HMGCL: variants seen among roughly 807,000 people sequenced by gnomAD.
The protein encoded by HMGCL is hydroxymethylglutaryl-CoA lyase, mitochondrial.
A neutral mutation model predicts 37.3 loss-of-function variants in HMGCL; 26 were observed. The ratio of observed to expected loss-of-function variants is 0.70; its 90% confidence interval spans 0.51 to 0.97. The LOEUF is 0.97. Ranked by LOEUF, HMGCL falls within the 50% of genes least tolerant of loss-of-function variation. The probability of loss-of-function intolerance (pLI) is 0.00; values close to 1 mark genes in which losing one functional copy is unlikely to be tolerated. For synonymous variants in HMGCL, 151 were observed against 148.0 expected (o/e 1.02, Z -0.15); for missense variants, 379 against 398.1 (o/e 0.95, Z 0.41).
Position 23,818,592 on chromosome 1 carries a change from C to T in HMGCL, c.145-1009G>A, listed in dbSNP as rs144229057. Among the ~76,000 whole-genome samples the T allele has an allele frequency of 6.6e-4, 100 of 151,988 alleles. 2 individuals carry two copies. The highest frequency in any genetic ancestry group is 6.8e-3 in the Middle Eastern group (2 of 294). On this transcript the variant is annotated intron_variant, in intron 2 of 8. Coordinates refer to ENST00000374490, the MANE Select transcript of HMGCL (RefSeq NM_000191.3). ...TTTGAGATGGAGTCTCACTGTATTG[C>T]CCAGAGTGGAGTGCAGTGGCACAAT...
At chr1:23,813,536 G>T (rs962560937) in intron 5 of HMGCL, among the ~76,000 whole-genome samples, 1 of 152,104 alleles carries the variant, frequency 6.6e-6, no homozygotes, top group Non-Finnish European at 1.5e-5. Flanking sequence ...CCAAAGTGCT[G>T]GGATTACAGG....
chr1:23,816,510 TCA>T, intron 4 of HMGCL, 163 bp downstream of exon 4: 1 of 740,476 alleles, frequency 1.4e-6, no homozygotes, highest in Non-Finnish European at 2.5e-6. Flanking sequence ...CTTGTCAAGA[TCA>T]CAGAGCAGTG....
chr1:23,817,444 A>G, intron 3 of HMGCL, 32 bp downstream of exon 3: 1 of 1,249,558 alleles, frequency 8.0e-7, no homozygotes. Context: ...TCATCCCTAG[A>G]GAAAGGCCTT....
chr1:23,815,358 T>C (rs1638593696), intron 4 of HMGCL, among the ~76,000 whole-genome samples: 1 of 151,820 alleles, frequency 6.6e-6, no homozygotes, highest in Non-Finnish European at 1.5e-5. Context: ...CAGAGAGGCA[T>C]AGGACAGATT....
chr1:23,814,356 A>C lies in HMGCL; in HGVS notation c.349-18T>G, dbSNP rs1433974083. Reference sequence around the variant, plus strand: ...GCAGCAACCTGCCAACATCCAGGTGAACTCCTTTCAGCACTTTTCTCTTTT... The same window carrying C: ...GCAGCAACCTGCCAACATCCAGGTGCACTCCTTTCAGCACTTTTCTCTTTT... On this transcript the variant is annotated intron_variant, in intron 4 of 8. Transcript: ENST00000374490. 1 of 1,612,646 alleles carries C rather than the reference A, an allele frequency of 6.2e-7. No individual in the cohort carries two copies. Among genetic ancestry groups the C allele is most frequent in the African/African-American group, 1.3e-5 (1 of 74,900 alleles).
Position 23,825,375 on chromosome 1 carries a change from C to A in HMGCL, c.41G>T (p.Gly14Val), listed in dbSNP as rs930659830. The change falls in exon 1 of 9, where the codon GGC (glycine) becomes GTC (valine). Residue 14 changes from glycine to valine, a missense_variant. Coordinates refer to ENST00000374490, the MANE Select transcript of HMGCL (RefSeq NM_000191.3). The stretch of plus-strand genomic sequence containing the variant: ...ACTTACAGCCCGGAGGGACGCCAAG[C>A]CCACCAGTCGCCGCGGAAGCGCCTT... ...MRKALPRRLV[G>V]LASLRAVSTS... 24 of 1,561,358 alleles carry A rather than the reference C, an allele frequency of 1.5e-5. No homozygotes were observed. The highest frequency in any genetic ancestry group is 6.8e-5 in the African/African-American group (5 of 73,358).
At chr1:23,819,032 A>AG (rs1557492857) in intron 2 of HMGCL, among the ~76,000 whole-genome samples, 5 of 148,904 alleles carry the variant, frequency 3.4e-5, no homozygotes, top group Admixed American at 6.7e-5. Context: ...AAAAAAAAAA[A>AG]AGAGAAAAAG....
At chr1:23,821,963 G>A (rs951575271) in intron 1 of HMGCL, among the ~76,000 whole-genome samples, 3 of 151,932 alleles carry the variant, frequency 2.0e-5, no homozygotes, top group South Asian at 4.2e-4. Flanking sequence ...CATTATTTTC[G>A]CTATTGCAGA....
Position 23,816,405 on chromosome 1 carries a change from T to C in HMGCL, c.348+270A>G, listed in dbSNP as rs1408809081. ...ACATTTATTAAGCAGTTACCTTTTA[T>C]CTGGCTCTTGCTAAGCAATGTACAT... is the stretch of plus-strand genomic sequence containing the variant. On this transcript the variant is annotated intron_variant, in intron 4 of 8. Transcript: ENST00000374490. 1.4e-5 allele frequency: 7 copies of C among 507,484 alleles called. No individual in the cohort carries two copies. In the East Asian group the frequency reaches 2.6e-4, roughly 19 times the overall value. The allele number at this position is 507,484 out of a possible 1,614,324, so 31.4% of individuals were successfully genotyped here. A position where few individuals can be genotyped will look rare whatever the true frequency, so the allele number is the denominator to read the frequency against.
At chr1:23,822,441 T>G (rs1638738533) in intron 1 of HMGCL, among the ~76,000 whole-genome samples, 1 of 152,224 alleles carries the variant, frequency 6.6e-6, no homozygotes, top group South Asian at 2.1e-4. Flanking sequence ...GTCTTGATAC[T>G]GTAACTTTTC....
intron 5 of HMGCL, among the ~76,000 whole-genome samples, chr1:23,811,238 G>A (rs1638514886): frequency 6.6e-6 from 1 of 152,176 alleles, no homozygotes; most frequent in African/African-American, 2.4e-5. Flanking sequence ...AACAGGCTGG[G>A]CTGGCCTGAG....
chr1:23,823,671 C>T (rs1342046877), intron 1 of HMGCL, among the ~76,000 whole-genome samples: 1 of 151,914 alleles, frequency 6.6e-6, no homozygotes, highest in Non-Finnish European at 1.5e-5. Flanking sequence ...ACATATTAAC[C>T]CATACTGTCC....
chr1:23,824,030 C>A (rs2148427684), intron 1 of HMGCL, among the ~76,000 whole-genome samples: 1 of 152,272 alleles, frequency 6.6e-6, no homozygotes, highest in East Asian at 1.9e-4. Flanking sequence ...GCCTCTTTAC[C>A]ACCGTTCGTT....
chr1:23,808,170 C>T lies in HMGCL; in HGVS notation c.715G>A (p.Gly239Ser). 1 of 1,614,078 alleles carries T rather than the reference C, an allele frequency of 6.2e-7. No individual in the cohort carries two copies. The highest frequency in any genetic ancestry group is 1.6e-4 in the Middle Eastern group (1 of 6,062). ...ATCAAGGTGTTGGCCAGGGCTTGAC[C>T]ATAGGTGTCATGGCAGTGGACAGCC... The part of the protein sequence containing the change: ...ALAVHCHDTY[G>S]QALANTLMAL... The change falls in exon 7 of 9, where the codon GGT becomes AGT. Residue 239 changes from glycine (G) to serine (S), a missense_variant. Physicochemically the swap from Gly to Ser is moderately conservative, Grantham distance 56. Coordinates refer to ENST00000374490, the MANE Select transcript of HMGCL (RefSeq NM_000191.3).
chr1:23,813,865 A>G, intron 5 of HMGCL: 1 of 396,512 alleles, frequency 2.5e-6, no homozygotes, highest in South Asian at 2.2e-5. Context: ...TTCCTTTAGC[A>G]TGATAGCAGT....
At chr1:23,815,385 A>G (rs1021820235) in intron 4 of HMGCL, among the ~76,000 whole-genome samples, 3 of 152,062 alleles carry the variant, frequency 2.0e-5, no homozygotes, top group Non-Finnish European at 4.4e-5. Context: ...GAGGCCTCAG[A>G]AGGAACCAAT....
chr1:23,806,856 G>A lies in HMGCL; in HGVS notation c.750+1279C>T. 4.5e-6 allele frequency: 2 copies of A among 446,672 alleles called. No homozygotes were observed. Among genetic ancestry groups the A allele is most frequent in the Non-Finnish European group, 8.9e-6 (2 of 223,578 alleles). The allele number at this position is 446,672 out of a possible 1,614,324, so 27.7% of individuals were successfully genotyped here. ...CTTACAATGTGCTATTTACACGCCT[G>A]TAATCTTCCATCTGTCTTCCCCACC... On this transcript the variant is annotated intron_variant, in intron 7 of 8. Transcript: ENST00000374490. The surrounding 1 kb of genome is among the most constrained non-coding windows in gnomAD (Gnocchi z 4.0).
chr1:23,805,814 C>T (rs1638398650), intron 7 of HMGCL, among the ~76,000 whole-genome samples: 1 of 152,184 alleles, frequency 6.6e-6, no homozygotes, highest in African/African-American at 2.4e-5. Context: ...GATCAGAACA[C>T]GAACTGCTGA....
chr1:23,807,098 C>T, intron 7 of HMGCL: 1 of 519,012 alleles, frequency 1.9e-6, no homozygotes, highest in South Asian at 1.4e-5. Flanking sequence ...CAGAGAAGCA[C>T]AGAGGAGCAG....
Sources: gnomAD v4.1 joint callset for allele counts (sites outside exome capture counted in the v4.1 genomes callset) on GRCh38, gnomAD v4.1.1 for gene constraint, Gnocchi (gnomAD v3.1) non-coding constraint, MANE v1.5 for transcripts, NCBI Gene and HGNC (gene_info 2026-07-23, HGNC 2026-07-21) for gene names.